Variants in MAP3K20 observed in about 807,000 individuals in gnomAD.
The protein encoded by MAP3K20 is mitogen-activated protein kinase kinase kinase 20.
MAP3K20 carries 40 observed loss-of-function variants against 85.7 expected under a neutral mutation model. That is an observed-to-expected ratio of 0.47 (90% CI 0.36 to 0.61). The LOEUF (loss-of-function observed/expected upper bound fraction) is 0.61. Ranked by LOEUF, MAP3K20 falls within the 20% of genes least tolerant of loss-of-function variation. The pLI, the probability that MAP3K20 is intolerant of heterozygous loss-of-function variation, is 0.00. For missense variants in MAP3K20, 817 were observed against 961.7 expected (o/e 0.85, Z 1.99); for synonymous variants, 325 against 327.7 (o/e 0.99, Z 0.09).
chr2:173,168,164 A>T (rs1158837743), intron 2 of MAP3K20, among the ~76,000 whole-genome samples: 1 of 151,974 alleles, frequency 6.6e-6, no homozygotes, highest in Non-Finnish European at 1.5e-5. Flanking sequence ...TAGGGTTGCC[A>T]TGTGGATGAA....
intron 2 of MAP3K20, among the ~76,000 whole-genome samples, chr2:173,093,306 G>A (rs925284262): frequency 2.0e-5 from 3 of 151,944 alleles, no homozygotes; most frequent in Non-Finnish European, 4.4e-5. Context: ...GTTGTTTTTT[G>A]CCAATGAGTT....
At chr2:173,199,664 T>TG (rs1347631370) in intron 8 of MAP3K20, among the ~76,000 whole-genome samples, 4 of 77,502 alleles carry the variant, frequency 5.2e-5, no homozygotes, top group East Asian at 6.3e-4. Context: ...GAAAGGTTGT[T>TG]TTTTTTTTTT....
chr2:173,189,209 G>A (rs1295133112), intron 5 of MAP3K20, among the ~76,000 whole-genome samples: 1 of 152,076 alleles, frequency 6.6e-6, no homozygotes, highest in Admixed American at 6.6e-5. Flanking sequence ...ATCTTATAAT[G>A]AGAAAGCTGA....
chr2:173,136,222 C>CA (rs1278043432), intron 2 of MAP3K20, among the ~76,000 whole-genome samples: 6 of 152,200 alleles, frequency 3.9e-5, no homozygotes, highest in African/African-American at 1.4e-4. Context: ...TTTCTTTTTA[C>CA]AGCATTTGCT....
intron 2 of MAP3K20, among the ~76,000 whole-genome samples, chr2:173,099,968 G>A (rs1297968424): frequency 1.3e-5 from 2 of 152,176 alleles, no homozygotes; most frequent in Non-Finnish European, 1.5e-5. Context: ...ACGATCACTC[G>A]CATCTTCACA....
At chr2:173,159,283 C>T (rs939067797) in intron 2 of MAP3K20, among the ~76,000 whole-genome samples, 11 of 150,722 alleles carry the variant, frequency 7.3e-5, no homozygotes, top group Non-Finnish European at 1.5e-4. Flanking sequence ...GACAGAAAGC[C>T]GACTGAATTC....
At position 173,217,348 on chromosome 2, in the gene MAP3K20, CCCT is replaced by C. The variant is rs10556850; in HGVS notation, c.987+103_987+105del. 64,857 of 1,321,928 alleles carry C rather than the reference CCCT, an allele frequency of 0.049. 6,717 individuals carry two copies. The East Asian group carries it at 0.55, about 11-fold the overall frequency. The allele number at this position is 1,321,928 out of a possible 1,614,324, so 81.9% of individuals were successfully genotyped here. ...ACCTCTTCCCCTGCCTCCCGCCGCC[CCCT>C]CCTCATTTCCTGCCTCGCGCCCGTG... On this transcript the variant is annotated intron_variant, in intron 11 of 19. Coordinates refer to ENST00000375213, the MANE Select transcript of MAP3K20 (RefSeq NM_016653.3).
intron 10 of MAP3K20, chr2:173,212,797 C>CAAAAAAAAA (rs61126157): frequency 6.9e-5 from 7 of 101,030 alleles, no homozygotes; most frequent in African/African-American, 1.2e-4. Context: ...AGATCCTATT[C>CAAAAAAAAA]AAAAAAAAAA....
chr2:173,125,808 G>A (rs1688426030), intron 2 of MAP3K20, among the ~76,000 whole-genome samples: 1 of 152,020 alleles, frequency 6.6e-6, no homozygotes, highest in Admixed American at 6.6e-5. Context: ...GACTAAAGAT[G>A]CCTGCCACCA....
chr2:173,145,609 A>G (rs1689114327), intron 2 of MAP3K20, among the ~76,000 whole-genome samples: 1 of 152,170 alleles, frequency 6.6e-6, no homozygotes, highest in Admixed American at 6.5e-5. Context: ...TAAAAAACCC[A>G]AAACACCCAG....
At chr2:173,243,352 A>G (rs1456350752) in intron 16 of MAP3K20, among the ~76,000 whole-genome samples, 2 of 152,186 alleles carry the variant, frequency 1.3e-5, no homozygotes, top group Non-Finnish European at 2.9e-5. Flanking sequence ...TAAGGAGAGG[A>G]CATTGAAGGC....
chr2:173,219,818 C>T (rs1021234363), intron 11 of MAP3K20, among the ~76,000 whole-genome samples: 1 of 152,070 alleles, frequency 6.6e-6, no homozygotes. Context: ...CCTGTAAACC[C>T]AGCACTTTGG....
chr2:173,264,062 C>G (rs746207700), intron 19 of MAP3K20, among the ~76,000 whole-genome samples, 167 bp downstream of exon 19: 2 of 152,138 alleles, frequency 1.3e-5, no homozygotes, highest in Non-Finnish European at 2.9e-5. Context: ...CCAATAATTC[C>G]CCAAGTGTGG....
intron 3 of MAP3K20, among the ~76,000 whole-genome samples, chr2:173,178,464 C>T (rs554248855): frequency 7.1e-4 from 108 of 152,020 alleles, no homozygotes; most frequent in African/African-American, 2.4e-3. Context: ...GCCATCATAG[C>T]GAAACCCCAT....
At chr2:173,085,330 T>C (rs986541082) in intron 1 of MAP3K20, among the ~76,000 whole-genome samples, 3 of 152,192 alleles carry the variant, frequency 2.0e-5, no homozygotes, top group South Asian at 2.1e-4. Flanking sequence ...GGTCTGTGAA[T>C]AGAGAAACTT....
intron 14 of MAP3K20, 61 bp from the exon 15 acceptor site, chr2:173,238,312 G>T: frequency 7.0e-7 from 1 of 1,437,396 alleles, no homozygotes; most frequent in South Asian, 1.2e-5. Flanking sequence ...TGTACCCAAT[G>T]ATTTTAGTCT....
chr2:173,224,677 G>A (rs766842182), intron 11 of MAP3K20: 11 of 985,144 alleles, frequency 1.1e-5, no homozygotes, highest in Middle Eastern at 5.2e-4. Flanking sequence ...TCATTACCAC[G>A]TGACGTTGGC....
chr2:173,110,571 C>T (rs551163725), intron 2 of MAP3K20, among the ~76,000 whole-genome samples: 4 of 151,992 alleles, frequency 2.6e-5, no homozygotes, highest in South Asian at 2.1e-4. Context: ...TCCCTTGCCC[C>T]GCCCCTACTC....
At chr2:173,181,886 CAA>C (rs74938428) in intron 3 of MAP3K20, among the ~76,000 whole-genome samples, 71,746 of 134,928 alleles carry the variant, frequency 0.53, 19,738 homozygotes, top group Non-Finnish European at 0.63. Context: ...TCATCTCTAC[CAA>C]AAAAAAAAAA....
Sources: gnomAD v4.1 joint callset for allele counts (sites outside exome capture counted in the v4.1 genomes callset) on GRCh38, gnomAD v4.1.1 for gene constraint, MANE v1.5 for transcripts, NCBI Gene and HGNC (gene_info 2026-07-23, HGNC 2026-07-21) for gene names.